The following MARCHF1 variants were observed in gnomAD, a reference collection of about 807,000 sequenced individuals.
MARCHF1 encodes the protein membrane associated ring-CH-type finger 1, also known as E3 ubiquitin-protein ligase MARCHF1.
Under a neutral mutation model 54.2 loss-of-function variants are expected in MARCHF1, and 40 were observed. The observed-to-expected ratio is 0.74, with a 90% CI of 0.57 to 0.96. The LOEUF is 0.96. Ranked by LOEUF, MARCHF1 falls within the 40% of genes least tolerant of loss-of-function variation. The pLI, the probability that MARCHF1 is intolerant of heterozygous loss-of-function variation, is 0.00. For synonymous variants in MARCHF1, 236 were observed against 236.3 expected (o/e 1.00, Z 0.01); for missense variants, 586 against 656.5 (o/e 0.89, Z 1.17).
chr4:164,330,590 C>T (rs1735410372), intron 1 of MARCHF1, among the ~76,000 whole-genome samples: 1 of 152,186 alleles, frequency 6.6e-6, no homozygotes, highest in Non-Finnish European at 1.5e-5. Flanking sequence ...CTTGAAAATA[C>T]ATAAACAGAA....
At chr4:163,605,913 G>C (rs971702632) in intron 7 of MARCHF1, among the ~76,000 whole-genome samples, 5 of 152,074 alleles carry the variant, frequency 3.3e-5, no homozygotes, top group Admixed American at 6.6e-5. Context: ...TTGCGGGTTG[G>C]GGGGCTAGGG....
intron 3 of MARCHF1, among the ~76,000 whole-genome samples, chr4:163,983,567 A>G (rs76356759): frequency 0.018 from 2,749 of 152,258 alleles, 33 homozygotes; most frequent in African/African-American, 0.035. Context: ...TGGGGGTTAC[A>G]TTTACTCTTT....
chr4:164,044,982 C>T (rs189672449), intron 2 of MARCHF1, among the ~76,000 whole-genome samples: 1 of 152,060 alleles, frequency 6.6e-6, no homozygotes, highest in Non-Finnish European at 1.5e-5. Context: ...AAAAATAAAA[C>T]TTAGAGTAAG....
At chr4:163,582,468 T>C (rs952971436) in intron 8 of MARCHF1, among the ~76,000 whole-genome samples, 2 of 152,214 alleles carry the variant, frequency 1.3e-5, no homozygotes, top group Non-Finnish European at 2.9e-5. Context: ...ATTTTGCTGA[T>C]ATCTTTAGAA....
At chr4:164,343,849 T>C (rs1729995928) in intron 1 of MARCHF1, among the ~76,000 whole-genome samples, 1 of 152,130 alleles carries the variant, frequency 6.6e-6, no homozygotes, top group African/African-American at 2.4e-5. Context: ...ACAGTTACTG[T>C]TTGACCCAAC....
intron 2 of MARCHF1, among the ~76,000 whole-genome samples, chr4:164,064,613 T>A (rs1234592886): frequency 6.6e-6 from 1 of 152,182 alleles, no homozygotes; most frequent in Admixed American, 6.5e-5. Context: ...TAGTTTGAAC[T>A]CTCTTCCCAT....
intron 1 of MARCHF1, among the ~76,000 whole-genome samples, chr4:164,172,846 T>C (rs1730563418): frequency 6.6e-6 from 1 of 151,796 alleles, no homozygotes; most frequent in African/African-American, 2.4e-5. Context: ...GCCCACGTGG[T>C]GGCGGGGGCC....
At chr4:164,114,236 G>C (rs191008510) in intron 1 of MARCHF1, among the ~76,000 whole-genome samples, 221 of 151,912 alleles carry the variant, frequency 1.5e-3, no homozygotes, top group South Asian at 0.01. Flanking sequence ...TTATATGTAT[G>C]TATACATATA....
intron 1 of MARCHF1, among the ~76,000 whole-genome samples, chr4:164,317,334 T>C (rs2110745357): frequency 6.6e-6 from 1 of 152,250 alleles, no homozygotes; most frequent in African/African-American, 2.4e-5. Context: ...TTTAATTCTC[T>C]TACATTTAAA....
chr4:164,118,998 A>T lies in MARCHF1; in HGVS notation c.-322-7336T>A, dbSNP rs563258084. ...ACCAAGAAACAAGTGGGAAAAATTT[A>T]TTAAAATATATAAGGATAAAGATAA... is the stretch of plus-strand genomic sequence containing the variant. On this transcript the variant is annotated intron_variant, in intron 1 of 9. Transcript: ENST00000514618. Among the ~76,000 whole-genome samples, 3 of 151,446 alleles carry T rather than the reference A, an allele frequency of 2.0e-5. No homozygotes were observed. In the East Asian group the frequency reaches 5.8e-4, roughly 29 times the overall value.
At chr4:163,781,413 A>T (rs955172086) in intron 4 of MARCHF1, among the ~76,000 whole-genome samples, 20 of 152,050 alleles carry the variant, frequency 1.3e-4, no homozygotes, top group African/African-American at 4.8e-4. Context: ...AGATACGGCC[A>T]TTTTCTGTAC....
At chr4:164,374,118 G>C (rs1402308474) in intron 1 of MARCHF1, among the ~76,000 whole-genome samples, 1 of 152,116 alleles carries the variant, frequency 6.6e-6, no homozygotes, top group Admixed American at 6.6e-5. Context: ...CCACAGAATA[G>C]AAATTAGCAT....
At chr4:163,554,115 A>C (rs1366576025) in intron 8 of MARCHF1, among the ~76,000 whole-genome samples, 2 of 152,206 alleles carry the variant, frequency 1.3e-5, no homozygotes, top group Non-Finnish European at 2.9e-5. Context: ...TAAAAAATAG[A>C]GGTGTGATAG....
intron 2 of MARCHF1, among the ~76,000 whole-genome samples, chr4:164,107,003 T>C (rs926800637): frequency 3.3e-5 from 5 of 152,188 alleles, no homozygotes; most frequent in Admixed American, 6.5e-5. Flanking sequence ...ATACAGGCTA[T>C]TATGTTGTTT....
At chr4:163,630,235 A>C (rs780350204) in intron 5 of MARCHF1, among the ~76,000 whole-genome samples, 3 of 151,974 alleles carry the variant, frequency 2.0e-5, no homozygotes, top group Non-Finnish European at 2.9e-5. Flanking sequence ...GTATATTCAC[A>C]CAATAAAATA....
intron 3 of MARCHF1, among the ~76,000 whole-genome samples, chr4:163,961,171 C>T (rs1258230560): frequency 6.6e-6 from 1 of 151,878 alleles, no homozygotes; most frequent in Non-Finnish European, 1.5e-5. Flanking sequence ...TAGGCCTCAG[C>T]CTGTGAATTT....
At chr4:164,275,450 C>A (rs971513645) in intron 1 of MARCHF1, among the ~76,000 whole-genome samples, 2 of 151,634 alleles carry the variant, frequency 1.3e-5, no homozygotes, top group African/African-American at 4.9e-5. Flanking sequence ...TTAGAATAAT[C>A]CTTGAGTGGG....
chr4:163,987,267 G>T (rs1752887095), intron 3 of MARCHF1, among the ~76,000 whole-genome samples: 2 of 152,154 alleles, frequency 1.3e-5, no homozygotes, highest in South Asian at 4.1e-4. Flanking sequence ...AATATTTGAT[G>T]TGTTTATGAT....
chr4:164,147,745 C>A lies in MARCHF1; in HGVS notation c.-322-36083G>T, dbSNP rs553620592. Among the ~76,000 whole-genome samples the A allele has an allele frequency of 3.4e-3, 490 of 145,670 alleles. 4 individuals are homozygous for A. Among genetic ancestry groups the A allele is most frequent in the Non-Finnish European group, 6.1e-3 (409 of 66,614 alleles). On this transcript the variant is annotated intron_variant, in intron 1 of 9. Coordinates refer to ENST00000514618, the MANE Select transcript of MARCHF1 (RefSeq NM_001394959.1). ...CTAGATGACGAGTTAGTGGGTGCAG[C>A]GCACCAGCATGGCACATGTATACAA...
Sources: allele counts gnomAD v4.1 joint callset (sites outside exome capture counted in the v4.1 genomes callset), GRCh38; gene constraint gnomAD v4.1.1; transcripts MANE v1.5; gene names NCBI Gene and HGNC (gene_info 2026-07-23, HGNC 2026-07-21).